Variants in TNS3 observed in about 807,000 individuals in gnomAD.
TNS3 encodes tensin-3.
A neutral mutation model predicts 140.9 loss-of-function variants in TNS3; 45 were observed. The ratio of observed to expected loss-of-function variants is 0.32; its 90% CI spans 0.25 to 0.41. TNS3 has a LOEUF of 0.41. Among genes scored for constraint, TNS3 ranks in the 10% least tolerant of loss-of-function variants. The pLI is 1.00. For missense variants in TNS3, 1,716 were observed against 1,906.7 expected, an observed-to-expected ratio of 0.90 and a Z score of 1.86; for synonymous variants, 815 against 788.4, an observed-to-expected ratio of 1.03 and a Z score of -0.56.
At chr7:47,374,566 A>G (rs1791265285) in intron 16 of TNS3, among the ~76,000 whole-genome samples, 1 of 152,234 alleles carries the variant, frequency 6.6e-6, no homozygotes, top group Non-Finnish European at 1.5e-5. Flanking sequence ...AGCAATAAAA[A>G]GAGAATCATG....
intron 3 of TNS3, chr7:47,481,777 T>G (rs1797428927): frequency 1.1e-6 from 1 of 893,428 alleles, no homozygotes; most frequent in Non-Finnish European, 1.3e-6. Context: ...TCAAACACAG[T>G]CAGGAGAGGC....
rs375685831 is a variant in TNS3 at position 47,276,631 on chromosome 7, G to C, written c.*1445C>G. The stretch of plus-strand genomic sequence containing the variant: ...TGGCCCAGCTCCATCTTTCACTCTG[G>C]GGATGTTCCAGGGTCACAAATTCCC... On this transcript the variant is annotated 3_prime_UTR_variant, in exon 31 of 31. Coordinates refer to ENST00000311160, the MANE Select transcript of TNS3 (RefSeq NM_022748.12). 6.6e-6 allele frequency: 1 copy of C among 152,198 alleles called. No homozygotes were observed. The highest frequency in any genetic ancestry group is 1.5e-5 in the Non-Finnish European group (1 of 68,082). The allele number at this position is 152,198 out of a possible 1,614,324, so 9.4% of individuals were successfully genotyped here.
At chr7:47,306,200 G>A (rs1382341858) in intron 20 of TNS3, among the ~76,000 whole-genome samples, 1 of 152,160 alleles carries the variant, frequency 6.6e-6, no homozygotes, top group African/African-American at 2.4e-5. Context: ...TACCTAGGGG[G>A]TTTTCATTAA....
At chr7:47,554,053 C>G (rs572774753) in intron 1 of TNS3, among the ~76,000 whole-genome samples, 1 of 151,724 alleles carries the variant, frequency 6.6e-6, no homozygotes, top group Non-Finnish European at 1.5e-5. Flanking sequence ...GATCCGCCCA[C>G]CTCGGCCTCC....
At chr7:47,287,107 A>T (rs1017953844) in intron 27 of TNS3, among the ~76,000 whole-genome samples, 2 of 60,614 alleles carry the variant, frequency 3.3e-5, no homozygotes, top group African/African-American at 4.8e-5. Flanking sequence ...AGACTCTATA[A>T]AAAAAAAAAA....
chr7:47,368,071 G>A (rs1790809641), intron 17 of TNS3, among the ~76,000 whole-genome samples: 2 of 152,286 alleles, frequency 1.3e-5, no homozygotes, highest in Middle Eastern at 3.4e-3. Flanking sequence ...TTCTGCAATG[G>A]AGGCATGACC....
At chr7:47,361,969 C>T (rs1790361934) in intron 17 of TNS3, among the ~76,000 whole-genome samples, 1 of 152,312 alleles carries the variant, frequency 6.6e-6, no homozygotes, top group Middle Eastern at 3.4e-3. Flanking sequence ...ATGAATTTCA[C>T]AGGTTGAGTC....
intron 1 of TNS3, among the ~76,000 whole-genome samples, chr7:47,564,790 T>C (rs1327065189): frequency 6.6e-6 from 1 of 151,996 alleles, no homozygotes; most frequent in African/African-American, 2.4e-5. Flanking sequence ...GACTGATTAA[T>C]ATCACTAAGC....
chr7:47,409,711 G>A (rs1250958216), intron 13 of TNS3, among the ~76,000 whole-genome samples: 1 of 151,986 alleles, frequency 6.6e-6, no homozygotes, highest in African/African-American at 2.4e-5. Context: ...AGGCTGGAGT[G>A]CAGTAGCGCA....
intron 3 of TNS3, among the ~76,000 whole-genome samples, chr7:47,504,613 A>G (rs1453592554): frequency 1.3e-5 from 2 of 152,200 alleles, no homozygotes; most frequent in African/African-American, 2.4e-5. Context: ...TGGGCAATAT[A>G]TGTAAACACA....
At chr7:47,527,980 C>A (rs1799260569) in intron 2 of TNS3, among the ~76,000 whole-genome samples, 1 of 152,044 alleles carries the variant, frequency 6.6e-6, no homozygotes, top group South Asian at 2.1e-4. Context: ...AGCCCGTGTT[C>A]TCTGCCTTGG....
rs529014053 is a variant in TNS3, at chr7:47,346,928, G to A, written c.2282-572C>T. Among the ~76,000 whole-genome samples, 81 of 152,270 alleles carry A rather than the reference G, an allele frequency of 5.3e-4. 1 individual carries two copies. The highest frequency in any genetic ancestry group is 1.9e-3 in the African/African-American group (77 of 41,552). Reference sequence around the variant, plus strand: ...TTTCCTTGCCAGAAACACCACAGGCGGTTATTCCTGACACAGATCCCTGGG... The same window carrying A: ...TTTCCTTGCCAGAAACACCACAGGCAGTTATTCCTGACACAGATCCCTGGG... On this transcript the variant is annotated intron_variant, in intron 17 of 30. Coordinates refer to ENST00000311160, the MANE Select transcript of TNS3 (RefSeq NM_022748.12).
intron 16 of TNS3, among the ~76,000 whole-genome samples, chr7:47,388,774 G>A (rs1792219987): frequency 6.6e-6 from 1 of 151,990 alleles, no homozygotes; most frequent in African/African-American, 2.4e-5. Flanking sequence ...GCTGAGGCAG[G>A]GACAACTGCT....
chr7:47,536,447 C>T (rs1025374691), intron 1 of TNS3, among the ~76,000 whole-genome samples: 1 of 152,222 alleles, frequency 6.6e-6, no homozygotes, highest in African/African-American at 2.4e-5. Context: ...CCGCTGGAAC[C>T]CATGCGGTCC....
At chr7:47,486,186 T>G (rs1383440396) in intron 3 of TNS3, among the ~76,000 whole-genome samples, 2 of 151,970 alleles carry the variant, frequency 1.3e-5, no homozygotes, top group African/African-American at 2.4e-5. Flanking sequence ...GTGTTGTGAG[T>G]TTGCATATGA....
At chr7:47,544,594 G>T (rs532435920) in intron 1 of TNS3, among the ~76,000 whole-genome samples, 9 of 152,218 alleles carry the variant, frequency 5.9e-5, no homozygotes, top group Admixed American at 3.3e-4. Flanking sequence ...CAGACAATCT[G>T]CCAGAGCCTT....
chr7:47,491,924 G>A (rs142731187), intron 3 of TNS3, among the ~76,000 whole-genome samples: 189 of 152,306 alleles, frequency 1.2e-3, no homozygotes, highest in African/African-American at 4.1e-3. Context: ...GCTCCTGGAA[G>A]GACGGGTCCA....
At chr7:47,356,412 T>C (rs1789997086) in intron 17 of TNS3, among the ~76,000 whole-genome samples, 1 of 152,222 alleles carries the variant, frequency 6.6e-6, no homozygotes, top group South Asian at 2.1e-4. Context: ...GGGAGCATTT[T>C]TAAAGCAAGT....
intron 2 of TNS3, among the ~76,000 whole-genome samples, chr7:47,525,623 T>C (rs1799163728): frequency 6.6e-6 from 1 of 152,266 alleles, no homozygotes; most frequent in Non-Finnish European, 1.5e-5. Flanking sequence ...ACAGGAGGGA[T>C]GCTCTCACAT....
Sources: gnomAD v4.1 joint callset for allele counts (sites outside exome capture counted in the v4.1 genomes callset) on GRCh38, gnomAD v4.1.1 for gene constraint, MANE v1.5 for transcripts, NCBI Gene and HGNC (gene_info 2026-07-23, HGNC 2026-07-21) for gene names.